Variants in CHLSN observed in about 807,000 individuals in gnomAD.
CHLSN encodes cholesin, also known as protein cholesin.
At chr7:1,005,744 G>A in the CHLSN span, among the ~76,000 whole-genome samples, 1 of 152,234 alleles carries the variant, frequency 6.6e-6, no homozygotes, top group Admixed American at 6.5e-5. Flanking sequence ...GGGTGGGCTT[G>A]GGCTGCCCCA....
chr7:985,273 C>T, the CHLSN span: 1 of 1,551,872 alleles, frequency 6.4e-7, no homozygotes, highest in Admixed American at 2.0e-5. Context: ...TGTGTCCCTG[C>T]TGGGTCTCAT....
At chr7:1,016,924 A>ACACAGCAGCG in the CHLSN span, among the ~76,000 whole-genome samples, 1 of 95,602 alleles carries the variant, frequency 1.0e-5, no homozygotes, top group African/African-American at 4.5e-5. Context: ...GCACAGCAGC[A>ACACAGCAGCG]CACAGCAGCA....
At chr7:1,080,586 G>A in the CHLSN span, among the ~76,000 whole-genome samples, 10 of 152,366 alleles carry the variant, frequency 6.6e-5, no homozygotes, top group Non-Finnish European at 1.0e-4. Flanking sequence ...CGGTTTGTGC[G>A]CTGCCTGCGA....
chr7:1,087,345 T>C, the CHLSN span: 2 of 152,236 alleles, frequency 1.3e-5, no homozygotes, highest in African/African-American at 2.4e-5. Flanking sequence ...TCTGAATGCT[T>C]GGGACCGGAA....
the CHLSN span, chr7:1,086,867 A>G: frequency 6.6e-6 from 1 of 152,282 alleles, no homozygotes; most frequent in Non-Finnish European, 1.5e-5. Context: ...ACTTCAAAAC[A>G]TTACAGAGGG....
At chr7:1,115,738 G>C in the CHLSN span, among the ~76,000 whole-genome samples, 1 of 110,620 alleles carries the variant, frequency 9.0e-6, no homozygotes, top group Middle Eastern at 8.3e-3. Context: ...CATCACCGAC[G>C]CCCACGCAGG....
chr7:1,056,776 G>A, the CHLSN span: 2 of 151,908 alleles, frequency 1.3e-5, no homozygotes, highest in Non-Finnish European at 2.9e-5. Flanking sequence ...TCCGAGAGTA[G>A]GAGGTCAGCC....
At chr7:1,028,455 G>C in the CHLSN span, 1 of 985,646 alleles carries the variant, frequency 1.0e-6, no homozygotes, top group Non-Finnish European at 1.2e-6. Flanking sequence ...CTGGACCTCG[G>C]CGCGGGGGTG....
chr7:985,907 G>A, the CHLSN span, among the ~76,000 whole-genome samples: 1 of 152,164 alleles, frequency 6.6e-6, no homozygotes, highest in Non-Finnish European at 1.5e-5. Context: ...CGTGATGGGA[G>A]TGAGTGAGCA....
the CHLSN span, among the ~76,000 whole-genome samples, chr7:984,239 C>T: frequency 3.9e-5 from 6 of 152,332 alleles, no homozygotes; most frequent in African/African-American, 9.6e-5. Context: ...CCAGGCTGGG[C>T]GCTGCCCCCT....
chr7:1,040,637 T>C, the CHLSN span, among the ~76,000 whole-genome samples: 1 of 151,466 alleles, frequency 6.6e-6, no homozygotes, highest in Admixed American at 6.6e-5. Flanking sequence ...CTGGGAGTCA[T>C]TGAGGAATTC....
At chr7:1,091,189 T>G in the CHLSN span, among the ~76,000 whole-genome samples, 1 of 152,178 alleles carries the variant, frequency 6.6e-6, no homozygotes, top group Admixed American at 6.5e-5. Flanking sequence ...TGAGCAGCCG[T>G]GGGACCTGCA....
At chr7:1,124,914 G>A in the CHLSN span, among the ~76,000 whole-genome samples, 5 of 152,270 alleles carry the variant, frequency 3.3e-5, no homozygotes, top group Middle Eastern at 3.4e-3. Flanking sequence ...GCCTCCGGGT[G>A]ACCTTGGGGT....
At chr7:985,033 G>C in the CHLSN span, 1 of 1,612,286 alleles carries the variant, frequency 6.2e-7, no homozygotes, top group African/African-American at 1.3e-5. Flanking sequence ...CGTGGGCCGG[G>C]AGCCGGTGGC....
chr7:1,070,178 G>T, the CHLSN span, among the ~76,000 whole-genome samples: 1 of 120,426 alleles, frequency 8.3e-6, no homozygotes, highest in Non-Finnish European at 1.8e-5. Context: ...GAAGTGAGGA[G>T]CCTCTCCGCC....
At chr7:1,080,045 C>T in the CHLSN span, among the ~76,000 whole-genome samples, 1 of 152,228 alleles carries the variant, frequency 6.6e-6, no homozygotes, top group African/African-American at 2.4e-5. Flanking sequence ...GAAGGGCCAA[C>T]CCCTCCTCCC....
At chr7:1,124,500 C>G in the CHLSN span, among the ~76,000 whole-genome samples, 4 of 143,916 alleles carry the variant, frequency 2.8e-5, no homozygotes, top group African/African-American at 1.0e-4. Flanking sequence ...CATCTGGAAC[C>G]CAAACTAAAA....
the CHLSN span, among the ~76,000 whole-genome samples, chr7:982,962 A>G: frequency 6.6e-5 from 10 of 152,156 alleles, no homozygotes; most frequent in Admixed American, 5.2e-4. Context: ...GCCAGGAGAC[A>G]TGGATGCCTG....
the CHLSN span, chr7:1,023,167 C>G: frequency 2.8e-6 from 1 of 355,212 alleles, no homozygotes; most frequent in Non-Finnish European, 5.7e-6. The surrounding 1 kb of genome is among the most constrained non-coding windows in gnomAD (Gnocchi z 5.0). Context: ...TGATGCACAG[C>G]CACAGGGAGA....
Sources: allele counts gnomAD v4.1 joint callset (sites outside exome capture counted in the v4.1 genomes callset), GRCh38; gene constraint gnomAD v4.1.1; non-coding constraint Gnocchi (gnomAD v3.1); transcripts MANE v1.5; gene names NCBI Gene and HGNC (gene_info 2026-07-23, HGNC 2026-07-21).